Variants in SGIP1 observed in about 807,000 individuals in gnomAD.
The protein encoded by SGIP1 is SH3GL interacting endocytic adaptor 1, also known as SH3-containing GRB2-like protein 3-interacting protein 1.
A neutral mutation model predicts 107.5 loss-of-function variants in SGIP1; 38 were observed. The ratio of observed to expected loss-of-function variants is 0.35; its 90% CI spans 0.27 to 0.46. SGIP1 has a LOEUF of 0.46. Ranked by LOEUF, SGIP1 falls within the 20% of genes least tolerant of loss-of-function variation. The pLI is 1.00. For synonymous variants in SGIP1, 365 were observed against 366.1 expected, an observed-to-expected ratio of 1.00 and a Z score of 0.03; for missense variants, 929 against 1,019.5, an observed-to-expected ratio of 0.91 and a Z score of 1.21.
intron 1 of SGIP1, among the ~76,000 whole-genome samples, chr1:66,566,874 C>G (rs1234511302): frequency 6.6e-6 from 1 of 151,900 alleles, no homozygotes; most frequent in African/African-American, 2.4e-5. Flanking sequence ...CCCCCACCCC[C>G]TAACAGGGTC....
At chr1:66,631,535 ACT>A (rs1381551366) in intron 2 of SGIP1, among the ~76,000 whole-genome samples, 2 of 152,100 alleles carry the variant, frequency 1.3e-5, no homozygotes, top group Non-Finnish European at 2.9e-5. Flanking sequence ...AAAAATATGC[ACT>A]CTGTCAAGTG....
intron 22 of SGIP1, 36 bp from the exon 23 acceptor site, chr1:66,740,622 G>T: frequency 1.4e-6 from 2 of 1,405,264 alleles, no homozygotes; most frequent in Non-Finnish European, 1.0e-6. Context: ...AAAAACTCTT[G>T]GATATGCAAA....
At chr1:66,620,425 A>G (rs2070715558) in intron 1 of SGIP1, among the ~76,000 whole-genome samples, 1 of 152,198 alleles carries the variant, frequency 6.6e-6, no homozygotes, top group Admixed American at 6.5e-5. Flanking sequence ...TTATAAAGAA[A>G]GGAGGTTTAA....
chr1:66,637,445 G>A (rs1201922833), intron 4 of SGIP1, among the ~76,000 whole-genome samples: 1 of 71,576 alleles, frequency 1.4e-5, no homozygotes, highest in African/African-American at 4.2e-5. Context: ...AAAGCCGTGT[G>A]TGTGTGTGTT....
chr1:66,663,547 A>G (rs954703444), intron 8 of SGIP1, among the ~76,000 whole-genome samples: 1 of 151,942 alleles, frequency 6.6e-6, no homozygotes, highest in African/African-American at 2.4e-5. Context: ...AAGCCCTTCC[A>G]TTTGCTCCTG....
At chr1:66,693,620 T>C (rs2090320352) in intron 17 of SGIP1, among the ~76,000 whole-genome samples, 1 of 152,232 alleles carries the variant, frequency 6.6e-6, no homozygotes, top group South Asian at 2.1e-4. Context: ...AAAGTTGTAA[T>C]AGTATGCATA....
At chr1:66,596,457 C>T (rs754285357) in intron 1 of SGIP1, among the ~76,000 whole-genome samples, 25 of 151,940 alleles carry the variant, frequency 1.6e-4, no homozygotes, top group Non-Finnish European at 3.5e-4. Context: ...AAAGCAAAGA[C>T]ATCACTCAGA....
intron 1 of SGIP1, among the ~76,000 whole-genome samples, chr1:66,583,667 C>T (rs543323963): frequency 3.3e-5 from 5 of 152,164 alleles, no homozygotes; most frequent in African/African-American, 1.2e-4. Context: ...CTTCCTATTC[C>T]CCATTTATTT....
At chr1:66,562,018 C>T (rs1308248197) in intron 1 of SGIP1, among the ~76,000 whole-genome samples, 1 of 151,958 alleles carries the variant, frequency 6.6e-6, no homozygotes, top group African/African-American at 2.4e-5. Context: ...AGTAGTCATA[C>T]ATCTAACAGC....
chr1:66,627,548 G>C (rs1393243036), intron 2 of SGIP1, among the ~76,000 whole-genome samples: 1 of 152,102 alleles, frequency 6.6e-6, no homozygotes, highest in Non-Finnish European at 1.5e-5. Flanking sequence ...AAGCCAAAGA[G>C]TGCAAAGGAT....
chr1:66,671,897 G>A (rs375634578), intron 10 of SGIP1, 47 bp from the exon 11 acceptor site: 6 of 1,564,884 alleles, frequency 3.8e-6, no homozygotes, highest in Non-Finnish European at 4.4e-6. Flanking sequence ...GACATATCAG[G>A]GAATGGTAAA....
intron 20 of SGIP1, among the ~76,000 whole-genome samples, chr1:66,732,572 C>G (rs552825078): frequency 1.3e-5 from 2 of 152,174 alleles, no homozygotes; most frequent in Non-Finnish European, 2.9e-5. Flanking sequence ...CTTGGCCACT[C>G]TTTCCTAACA....
rs569494561 is a variant in SGIP1, at chr1:66,657,744, C to A, written c.460-2769C>A. On this transcript the variant is annotated intron_variant, in intron 7 of 24. Coordinates refer to ENST00000371037, the MANE Select transcript of SGIP1 (RefSeq NM_032291.4). ...AAAAAAAATCCCTGTACTTTGTAAC[C>A]ATTCAATGGTTATATTTTAGGTAAA... Among the ~76,000 whole-genome samples the A allele has an allele frequency of 1.4e-4, 22 of 152,180 alleles. No individual in the cohort carries two copies. In the South Asian group the frequency reaches 4.4e-3, roughly 30 times the overall value.
At chr1:66,544,897 C>A (rs1427251916) in intron 1 of SGIP1, among the ~76,000 whole-genome samples, 1 of 152,112 alleles carries the variant, frequency 6.6e-6, no homozygotes, top group Non-Finnish European at 1.5e-5. Flanking sequence ...CATTAAATTT[C>A]TCTTAGCCTT....
intron 18 of SGIP1, among the ~76,000 whole-genome samples, 169 bp downstream of exon 18, chr1:66,695,662 A>C (rs1189229960): frequency 6.6e-6 from 1 of 152,220 alleles, no homozygotes; most frequent in Non-Finnish European, 1.5e-5. Flanking sequence ...TATTACATGA[A>C]TTTGGTTTGT....
intron 1 of SGIP1, among the ~76,000 whole-genome samples, chr1:66,584,044 G>A (rs1318837807): frequency 6.6e-6 from 1 of 152,042 alleles, no homozygotes; most frequent in African/African-American, 2.4e-5. Flanking sequence ...ATCCTTAGAG[G>A]CCTGTTTTGT....
chr1:66,545,730 T>A (rs1274977430), intron 1 of SGIP1, among the ~76,000 whole-genome samples: 1 of 151,644 alleles, frequency 6.6e-6, no homozygotes, highest in Non-Finnish European at 1.5e-5. Flanking sequence ...CACATGATTG[T>A]GGGGACTGGC....
At chr1:66,610,721 T>G (rs935073472) in intron 1 of SGIP1, among the ~76,000 whole-genome samples, 2 of 149,488 alleles carry the variant, frequency 1.3e-5, no homozygotes, top group Non-Finnish European at 3.0e-5. Flanking sequence ...ATAGATTTTT[T>G]TTTTTTAATT....
chr1:66,590,349 A>T (rs980485114), intron 1 of SGIP1: 4 of 152,234 alleles, frequency 2.6e-5, no homozygotes, highest in Admixed American at 2.6e-4. Flanking sequence ...GTCCTTTAGT[A>T]AACTGTATGA....
Sources: gnomAD v4.1 joint callset for allele counts (sites outside exome capture counted in the v4.1 genomes callset) on GRCh38, gnomAD v4.1.1 for gene constraint, MANE v1.5 for transcripts, NCBI Gene and HGNC (gene_info 2026-07-23, HGNC 2026-07-21) for gene names.